The following COMMD1 variants were observed in gnomAD, a reference collection of about 807,000 sequenced individuals.
COMMD1 encodes COMM domain-containing protein 1.
A neutral mutation model predicts 17.2 loss-of-function variants in COMMD1; 10 were observed. The ratio of observed to expected loss-of-function variants is 0.58; its 90% CI spans 0.36 to 0.99. COMMD1 has a LOEUF of 0.99. Ranked by LOEUF, COMMD1 falls within the 50% of genes least tolerant of loss-of-function variation. COMMD1 has a pLI of 0.01. For synonymous variants in COMMD1, 97 were observed against 91.6 expected (o/e 1.06, Z -0.34); for missense variants, 270 against 231.8 (o/e 1.17, Z -1.07).
intron 1 of COMMD1, among the ~76,000 whole-genome samples, chr2:61,962,684 C>A (rs1027314924): frequency 6.6e-6 from 1 of 152,044 alleles, no homozygotes; most frequent in Non-Finnish European, 1.5e-5. Flanking sequence ...CTGTGGGAAC[C>A]CCTGAATCCC....
chr2:62,131,718 C>CT (rs1443314761), intron 2 of COMMD1, among the ~76,000 whole-genome samples: 2 of 151,600 alleles, frequency 1.3e-5, no homozygotes, highest in Non-Finnish European at 2.9e-5. Flanking sequence ...TATTTTTATA[C>CT]TTTTTTTAGA....
chr2:62,082,489 T>C (rs1346203768), intron 2 of COMMD1, among the ~76,000 whole-genome samples: 1 of 152,166 alleles, frequency 6.6e-6, no homozygotes. Flanking sequence ...AGTGACTAGC[T>C]CTCCCAGCGA....
intron 1 of COMMD1, among the ~76,000 whole-genome samples, chr2:61,983,094 A>T: frequency 6.6e-6 from 1 of 151,686 alleles, no homozygotes. Context: ...TTTGAGTAGG[A>T]TTGGTATTAA....
At chr2:62,070,801 G>A (rs181335751) in intron 2 of COMMD1, among the ~76,000 whole-genome samples, 8 of 152,326 alleles carry the variant, frequency 5.3e-5, no homozygotes, top group African/African-American at 1.4e-4. Flanking sequence ...AGGCCAAGGC[G>A]TGCAGATCAG....
intron 1 of COMMD1, among the ~76,000 whole-genome samples, chr2:61,970,115 G>A (rs1671606640): frequency 6.6e-6 from 1 of 151,852 alleles, no homozygotes; most frequent in Non-Finnish European, 1.5e-5. Flanking sequence ...AAAATTAGCT[G>A]GGTGTGGTGG....
chr2:61,933,481 G>A (rs1054709888), intron 1 of COMMD1, among the ~76,000 whole-genome samples: 2 of 151,940 alleles, frequency 1.3e-5, no homozygotes, highest in Non-Finnish European at 2.9e-5. Context: ...AGGCTTAAGG[G>A]TGGGGTTTAG....
intron 1 of COMMD1, among the ~76,000 whole-genome samples, chr2:61,983,764 T>A (rs549870319): frequency 6.6e-6 from 1 of 152,138 alleles, no homozygotes; most frequent in Non-Finnish European, 1.5e-5. Context: ...TCAATTTTGT[T>A]TATCTTTTCA....
Position 62,030,138 on chromosome 2 carries a change from C to A in COMMD1, c.462+29156C>A, listed in dbSNP as rs547524201. On this transcript the variant is annotated intron_variant, in intron 2 of 2. Coordinates refer to ENST00000311832, the MANE Select transcript of COMMD1 (RefSeq NM_152516.4). ...TGCCCTCTCAGAGCATGCATTTCGTCCTTCTGGGTGTGGGCAGGGCTCTCT... is the reference window on the plus strand; with the variant it reads ...TGCCCTCTCAGAGCATGCATTTCGTACTTCTGGGTGTGGGCAGGGCTCTCT... Among the ~76,000 whole-genome samples the A allele has an allele frequency of 2.6e-5, 4 of 152,342 alleles. No individual in the cohort carries two copies. The South Asian group carries it at 8.3e-4, about 32-fold the overall frequency.
At chr2:61,902,649 G>A (rs962781130), upstream of COMMD1, among the ~76,000 whole-genome samples, 3 of 150,798 alleles carry the variant, frequency 2.0e-5, no homozygotes, top group African/African-American at 7.3e-5. Context: ...AATTAAAACA[G>A]TGAGATAATA....
At chr2:61,911,107 T>A (rs556310306) in intron 1 of COMMD1, among the ~76,000 whole-genome samples, 1 of 151,166 alleles carries the variant, frequency 6.6e-6, no homozygotes, top group East Asian at 2.0e-4. Context: ...TTTTTTTTTT[T>A]AATGAAAATT....
chr2:61,950,014 GA>G (rs1391399330), intron 1 of COMMD1, among the ~76,000 whole-genome samples: 10 of 152,190 alleles, frequency 6.6e-5, no homozygotes, highest in Admixed American at 1.3e-4. Flanking sequence ...CTATCCCTGA[GA>G]AGGAAAGGAT....
intron 1 of COMMD1, among the ~76,000 whole-genome samples, chr2:61,938,481 C>T (rs1572981482): frequency 6.6e-6 from 1 of 152,144 alleles, no homozygotes; most frequent in Non-Finnish European, 1.5e-5. Context: ...TATAAAATTC[C>T]TAGGATCACG....
At chr2:62,128,909 G>A (rs990386772) in intron 2 of COMMD1, among the ~76,000 whole-genome samples, 4 of 148,334 alleles carry the variant, frequency 2.7e-5, no homozygotes, top group Non-Finnish European at 4.4e-5. Context: ...CCGAGATCAC[G>A]CCACTGCACT....
intron 2 of COMMD1, among the ~76,000 whole-genome samples, chr2:62,054,186 A>G (rs1399501880): frequency 1.3e-5 from 2 of 152,248 alleles, no homozygotes; most frequent in South Asian, 2.1e-4. Flanking sequence ...GCCTATTACT[A>G]CAAAGACAAA....
rs1285010484 is a variant in COMMD1, at chr2:61,979,781, G to A, written c.181-20920G>A. Among the ~76,000 whole-genome samples the A allele has an allele frequency of 2.7e-5, 4 of 148,546 alleles. No homozygotes were observed. In the Admixed American group the frequency reaches 2.7e-4, roughly 10 times the overall value. On this transcript the variant is annotated intron_variant, in intron 1 of 2. Transcript: ENST00000311832. ...TTTTTATTATACTCTAAGTTTTAGG[G>A]TACATGTGCACATTGTGCAGGTTAG... is the stretch of plus-strand genomic sequence containing the variant.
intron 2 of COMMD1, among the ~76,000 whole-genome samples, chr2:62,011,731 T>C (rs1362100770): frequency 6.6e-6 from 1 of 152,190 alleles, no homozygotes; most frequent in African/African-American, 2.4e-5. Flanking sequence ...TAAGAAATTT[T>C]ATCAGAGATG....
At chr2:62,049,201 G>GA (rs11288339) in intron 2 of COMMD1, among the ~76,000 whole-genome samples, 12,184 of 140,692 alleles carry the variant, frequency 0.087, 1,228 homozygotes, top group African/African-American at 0.24. Context: ...TAATTACCAG[G>GA]AAAAAAAAAA....
intron 2 of COMMD1, among the ~76,000 whole-genome samples, chr2:62,049,678 A>G (rs751218834): frequency 2.2e-4 from 34 of 152,018 alleles, no homozygotes; most frequent in Admixed American, 1.6e-3. Flanking sequence ...GGCAGCACTT[A>G]CTCAGGTATT....
intron 2 of COMMD1, among the ~76,000 whole-genome samples, chr2:62,036,307 A>G (rs559371936): frequency 3.5e-4 from 54 of 152,338 alleles, no homozygotes; most frequent in Admixed American, 1.3e-3. Flanking sequence ...TATCCTTACA[A>G]TGATACTGTG....
Sources: allele counts gnomAD v4.1 joint callset (sites outside exome capture counted in the v4.1 genomes callset), GRCh38; gene constraint gnomAD v4.1.1; transcripts MANE v1.5; gene names NCBI Gene and HGNC (gene_info 2026-07-23, HGNC 2026-07-21).